Variants in INSR observed in about 807,000 individuals in gnomAD.
The protein encoded by INSR is insulin receptor, also known as IR.
A neutral mutation model predicts 142.6 loss-of-function variants in INSR; 67 were observed. The ratio of observed to expected loss-of-function variants is 0.47; its 90% CI spans 0.39 to 0.58. The LOEUF (loss-of-function observed/expected upper bound fraction) is 0.58, where lower values mean the gene tolerates loss of function less well. INSR is among the 20% of genes least tolerant of loss of function. The probability of loss-of-function intolerance (pLI) is 0.00; values close to 1 mark genes in which losing one functional copy is unlikely to be tolerated. For synonymous variants in INSR, 756 were observed against 743.1 expected, an observed-to-expected ratio of 1.02 and a Z score of -0.28; for missense variants, 1,248 against 1,833.2, an observed-to-expected ratio of 0.68 and a Z score of 5.83.
At chr19:7,126,491 G>T in intron 16 of INSR, 93 bp downstream of exon 16, 1 of 1,180,388 alleles carries the variant, frequency 8.5e-7, no homozygotes, top group Admixed American at 2.0e-5. Context: ...TGGCCTCCCT[G>T]GGGAACCCAT....
Position 7,283,090 on chromosome 19 carries a change from G to C in INSR, c.100+10702C>G, listed in dbSNP as rs1422759608. Among the ~76,000 whole-genome samples the C allele has an allele frequency of 2.6e-5, 4 of 152,246 alleles. No individual in the cohort carries two copies. The East Asian group carries it at 7.7e-4, about 29-fold the overall frequency. On this transcript the variant is annotated intron_variant, in intron 1 of 21. Coordinates refer to ENST00000302850, the MANE Select transcript of INSR (RefSeq NM_000208.4). ...CGCCTGTAGTGCCAGCTACTCAGGAGGCTGAGGTGGGAGGACCACTTGAGC... is the reference window on the plus strand; with the variant it reads ...CGCCTGTAGTGCCAGCTACTCAGGACGCTGAGGTGGGAGGACCACTTGAGC...
intron 4 of INSR, among the ~76,000 whole-genome samples, chr19:7,173,464 A>T (rs926831957): frequency 1.3e-5 from 2 of 151,662 alleles, no homozygotes; most frequent in African/African-American, 4.8e-5. Flanking sequence ...GACTACAGGC[A>T]TGTGCCACCG....
chr19:7,206,640 C>T lies in INSR; in HGVS notation c.653-22003G>A, dbSNP rs138634397. Among the ~76,000 whole-genome samples, 14 of 152,196 alleles carry T rather than the reference C, an allele frequency of 9.2e-5. No individual in the cohort carries two copies. The East Asian group carries it at 2.1e-3, about 23-fold the overall frequency. ...TGCTTGATGATCTGTCACTGTCTCC[C>T]GTCACCACCAAATGGGACTGTCTAT... On this transcript the variant is annotated intron_variant, in intron 2 of 21. Transcript: ENST00000302850.
intron 2 of INSR, among the ~76,000 whole-genome samples, chr19:7,261,278 G>A (rs1405586477): frequency 1.3e-5 from 2 of 152,050 alleles, no homozygotes; most frequent in Non-Finnish European, 2.9e-5. Context: ...CACTAGACTG[G>A]CCGCTCTGAG....
Position 7,137,798 on chromosome 19 carries a change from C to CAAAAA in INSR, c.2682+3874_2682+3878dup, listed in dbSNP as rs1176523364. ...TGACAGAGTGAGTGAGACTCCATCT[C>CAAAAA]AAAAAAAAAAAAAAAAAAAAAAAAA... is the stretch of plus-strand genomic sequence containing the variant. On this transcript the variant is annotated intron_variant, in intron 13 of 21. Transcript: ENST00000302850. Among the ~76,000 whole-genome samples the CAAAAA allele has an allele frequency of 2.9e-4, 12 of 41,476 alleles. 2 individuals carry two copies. Among genetic ancestry groups the CAAAAA allele is most frequent in the African/African-American group, 4.1e-4 (4 of 9,842 alleles). The allele number at this position is 41,476 out of a possible 152,430, so 27.2% of individuals were successfully genotyped here.
rs1973884034 is a variant in INSR at position 7,166,146 on chromosome 19, A to T, written c.1861+8T>A. 2 of 1,613,932 alleles carry T rather than the reference A, an allele frequency of 1.2e-6. No homozygotes were observed. The highest frequency in any genetic ancestry group is 1.1e-5 in the South Asian group (1 of 91,070). On this transcript the variant is annotated splice_region_variant and intron_variant, in intron 8 of 21. Coordinates refer to ENST00000302850, the MANE Select transcript of INSR (RefSeq NM_000208.4). The surrounding 1 kb of genome is among the most constrained non-coding windows in gnomAD (Gnocchi z 4.1). ...ACATACGAATTCACATTCCCAAGAC[A>T]CACTCACTGGTGGCATCTGTCTGGA...
At chr19:7,162,944 A>C (rs1319701042) in intron 9 of INSR, 88 bp downstream of exon 9, 1 of 1,266,360 alleles carries the variant, frequency 7.9e-7, no homozygotes, top group Non-Finnish European at 1.2e-6. Context: ...ACACAGGAAG[A>C]GATAGCTGCT....
At chr19:7,137,365 G>C (rs1323589268) in intron 13 of INSR, among the ~76,000 whole-genome samples, 1 of 151,970 alleles carries the variant, frequency 6.6e-6, no homozygotes, top group Non-Finnish European at 1.5e-5. Flanking sequence ...CCTCAGTCTA[G>C]CTGGGAATGC....
intron 11 of INSR, among the ~76,000 whole-genome samples, chr19:7,143,769 T>C (rs1277050765): frequency 1.3e-5 from 2 of 151,944 alleles, no homozygotes; most frequent in Non-Finnish European, 2.9e-5. Flanking sequence ...AAGAAGAAAA[T>C]GTAGGCTGGG....
chr19:7,198,643 G>A (rs113876550), intron 2 of INSR, among the ~76,000 whole-genome samples: 1 of 152,036 alleles, frequency 6.6e-6, no homozygotes, highest in African/African-American at 2.4e-5. Context: ...CACATTGCAG[G>A]GGGGGAGGGT....
At chr19:7,206,158 G>A (rs1975099173) in intron 2 of INSR, among the ~76,000 whole-genome samples, 1 of 145,466 alleles carries the variant, frequency 6.9e-6, no homozygotes, top group African/African-American at 2.5e-5. Flanking sequence ...GATTAAACCA[G>A]GGGTCCCCCA....
chr19:7,268,443 C>T (rs1211541149), intron 1 of INSR: 1 of 985,286 alleles, frequency 1.0e-6, no homozygotes, highest in African/African-American at 1.7e-5. Context: ...CCAGGGAGCC[C>T]GATCTCCATT....
chr19:7,174,485 G>A, intron 4 of INSR, 98 bp downstream of exon 4: 1 of 1,353,910 alleles, frequency 7.4e-7, no homozygotes, highest in East Asian at 2.3e-5. Context: ...TGCTGTAGGA[G>A]CACGCAGCAG....
At chr19:7,191,491 A>C (rs1055598993) in intron 2 of INSR, among the ~76,000 whole-genome samples, 2 of 151,864 alleles carry the variant, frequency 1.3e-5, no homozygotes, top group African/African-American at 4.8e-5. Flanking sequence ...GTTCCTCTGA[A>C]CTCGGATTGT....
chr19:7,176,509 G>C (rs2144966292), intron 3 of INSR, among the ~76,000 whole-genome samples: 1 of 152,334 alleles, frequency 6.6e-6, no homozygotes, highest in Non-Finnish European at 1.5e-5. Flanking sequence ...GCTGAGGCAT[G>C]AGAATTGCTT....
In INSR at chr19:7,114,629, T is replaced by C. The variant is rs986585709; in HGVS notation, c.*2427A>G. 2 of 152,632 alleles carry C rather than the reference T, an allele frequency of 1.3e-5. No individual in the cohort carries two copies. The highest frequency in any genetic ancestry group is 1.9e-4 in the East Asian group (1 of 5,198). 9.5% of individuals were successfully genotyped at this position (152,632 alleles called of 1,614,324 possible). ...AATTCTGAAATCTCAAAGATGTCCA[T>C]GATTGAATCACATCTTAACAATACA... On this transcript the variant is annotated 3_prime_UTR_variant, in exon 22 of 22. Transcript: ENST00000302850.
intron 8 of INSR, among the ~76,000 whole-genome samples, chr19:7,163,834 T>C (rs1393793825): frequency 2.0e-5 from 3 of 149,252 alleles, no homozygotes; most frequent in African/African-American, 7.4e-5. Flanking sequence ...TCCCAGCACT[T>C]TAGAAGGCCG....
chr19:7,213,355 A>G (rs534905238), intron 2 of INSR, among the ~76,000 whole-genome samples: 2 of 147,882 alleles, frequency 1.4e-5, no homozygotes, highest in African/African-American at 2.6e-5. Flanking sequence ...AAAAAAAAAA[A>G]AAAACAAACA....
intron 2 of INSR, among the ~76,000 whole-genome samples, chr19:7,255,431 C>A (rs1451812338): frequency 6.6e-6 from 1 of 152,128 alleles, no homozygotes; most frequent in Non-Finnish European, 1.5e-5. Context: ...TTCACTCTTG[C>A]CCACAAAACG....
Sources: allele counts gnomAD v4.1 joint callset (sites outside exome capture counted in the v4.1 genomes callset), GRCh38; gene constraint gnomAD v4.1.1; non-coding constraint Gnocchi (gnomAD v3.1); transcripts MANE v1.5; gene names NCBI Gene and HGNC (gene_info 2026-07-23, HGNC 2026-07-21).